ACVR1: variants seen among roughly 807,000 people sequenced by gnomAD.
The protein encoded by ACVR1 is activin A receptor type 1.
In ACVR1, 38 loss-of-function variants were observed where a neutral mutation model predicts 57.1. The observed-to-expected ratio is 0.67, with a 90% CI of 0.51 to 0.87. The LOEUF is 0.87. Ranked by LOEUF, ACVR1 falls within the 40% of genes least tolerant of loss-of-function variation. ACVR1 has a pLI of 0.00. For synonymous variants in ACVR1, 212 were observed against 228.1 expected (o/e 0.93, Z 0.63); for missense variants, 463 against 638.2 (o/e 0.73, Z 2.96).
At chr2:157,763,258 G>A (rs1685733713) in intron 8 of ACVR1, among the ~76,000 whole-genome samples, 1 of 152,206 alleles carries the variant, frequency 6.6e-6, no homozygotes, top group Non-Finnish European at 1.5e-5. Flanking sequence ...GAAGTATTGA[G>A]GGGTAAAGTG....
intron 2 of ACVR1, among the ~76,000 whole-genome samples, chr2:157,805,820 C>CTTTTTT (rs1222482675): frequency 8.0e-4 from 24 of 30,178 alleles, no homozygotes; most frequent in Non-Finnish European, 1.2e-3. Context: ...TTTCTTTTTT[C>CTTTTTT]TTTTTTTTTT....
In ACVR1 at chr2:157,780,569, G is replaced by A. The variant is rs201453468; in HGVS notation, c.99C>T (p.Tyr33=). The A allele has an allele frequency of 1.4e-4, 220 of 1,613,626 alleles. 4 individuals are homozygous for A. In the South Asian group the frequency reaches 2.2e-3, roughly 16 times the overall value. ...AGGAGAGACCTTCACACACACACAT[G>A]TAGAGTTTGGGGTTGACCTTGGGCT... ...DEKPKVNPKL[Y]MCVCEGLSCG... The change falls in exon 4 of 11, where the codon TAC becomes TAT. Residue 33 remains tyrosine (Y), a synonymous_variant. Transcript: ENST00000434821.
At position 157,787,732 on chromosome 2, in the gene ACVR1, G is replaced by A. The variant is rs1686765483; in HGVS notation, c.68-7132C>T. ...TCCTCGGGCTAACCAGAGAGTGTAT[G>A]GCATTTCAGTAAGGGTTTCCTACCT... On this transcript the variant is annotated intron_variant, in intron 3 of 10. Coordinates refer to ENST00000434821, the MANE Select transcript of ACVR1 (RefSeq NM_001111067.4). 2.0e-5 allele frequency among the ~76,000 whole-genome samples: 3 copies of A among 152,088 alleles called. No homozygotes were observed. The South Asian group carries it at 6.2e-4, about 32-fold the overall frequency.
chr2:157,778,162 A>G lies in ACVR1; in HGVS notation c.512T>C (p.Ile171Thr), dbSNP rs1315491312. ...DVEYGTIEGL[I>T]TTNVGDSTLA... ...AGTGCTGTCTCCAACATTGGTGGTG[A>G]TGAGCCCTTCGATAGTGCCATACTC... Residue 171 changes from isoleucine to threonine, a missense_variant, in exon 5 of 11, where the codon ATC becomes ACC. Around this residue, in one of 3 missense-constraint regions of ACVR1, gnomAD observed 203 missense variants for 235.5 expected, o/e 0.86. Transcript: ENST00000434821. 2.5e-6 allele frequency: 4 copies of G among 1,613,538 alleles called. No individual in the cohort carries two copies. Among genetic ancestry groups the G allele is most frequent in the Admixed American group, 1.7e-5 (1 of 59,948 alleles).
chr2:157,847,897 T>G (rs1037801543), intron 1 of ACVR1, among the ~76,000 whole-genome samples: 3 of 152,080 alleles, frequency 2.0e-5, no homozygotes, highest in African/African-American at 7.2e-5. Context: ...GTCTGGTGAA[T>G]AGTAGGATGT....
At chr2:157,852,656 T>C (rs571797900) in intron 1 of ACVR1, among the ~76,000 whole-genome samples, 116 of 152,330 alleles carry the variant, frequency 7.6e-4, no homozygotes, top group Non-Finnish European at 1.2e-3. Context: ...TAAATAGTTA[T>C]TCAAACATAC....
intron 5 of ACVR1, among the ~76,000 whole-genome samples, chr2:157,775,597 T>C (rs1476155780): frequency 6.6e-6 from 1 of 152,200 alleles, no homozygotes; most frequent in Non-Finnish European, 1.5e-5. Context: ...GGAAGAAATT[T>C]AGAACCCTTA....
intron 1 of ACVR1, among the ~76,000 whole-genome samples, chr2:157,854,080 GA>G (rs1689419233): frequency 6.6e-6 from 1 of 151,534 alleles, no homozygotes; most frequent in South Asian, 2.1e-4. Context: ...TTGAAGCCAG[GA>G]ATAGCACCTT....
intron 9 of ACVR1, among the ~76,000 whole-genome samples, chr2:157,756,830 A>G (rs1490539297): frequency 6.6e-6 from 1 of 151,638 alleles, no homozygotes; most frequent in Admixed American, 6.6e-5. Context: ...AAGTCACTAT[A>G]CGAAGAAGAT....
At chr2:157,815,538 C>T (rs933038850) in intron 2 of ACVR1, among the ~76,000 whole-genome samples, 1 of 152,180 alleles carries the variant, frequency 6.6e-6, no homozygotes, top group African/African-American at 2.4e-5. Context: ...ACAATTTTAA[C>T]CCTGTTTCAT....
intron 1 of ACVR1, among the ~76,000 whole-genome samples, chr2:157,868,891 A>G (rs1690027218): frequency 6.6e-6 from 1 of 152,242 alleles, no homozygotes; most frequent in African/African-American, 2.4e-5. Context: ...AAGATGAAGG[A>G]AGAGGAAAGC....
intron 1 of ACVR1, among the ~76,000 whole-genome samples, chr2:157,827,208 A>G (rs1217622280): frequency 6.6e-6 from 1 of 152,162 alleles, no homozygotes; most frequent in East Asian, 1.9e-4. Flanking sequence ...TAAACTGAAA[A>G]AAAGACAATC....
chr2:157,749,728 G>A (rs547936089), intron 9 of ACVR1, among the ~76,000 whole-genome samples: 1 of 152,314 alleles, frequency 6.6e-6, no homozygotes, highest in South Asian at 2.1e-4. Context: ...AAACAGGCCT[G>A]CCCCACTCAC....
chr2:157,831,064 T>C (rs1306310680), intron 1 of ACVR1, among the ~76,000 whole-genome samples: 4 of 152,146 alleles, frequency 2.6e-5, no homozygotes, highest in South Asian at 2.1e-4. Context: ...CCCAAAGCAC[T>C]AGGATTACAG....
intron 4 of ACVR1, 89 bp downstream of exon 4, chr2:157,780,248 C>G (rs1362988534): frequency 1.3e-6 from 2 of 1,578,544 alleles, no homozygotes; most frequent in Non-Finnish European, 1.7e-6. Context: ...GGTGGAATGC[C>G]TCATAGCTAC....
intron 1 of ACVR1, among the ~76,000 whole-genome samples, chr2:157,855,302 G>GTATATATATATA (rs1354388753): frequency 1.5e-5 from 1 of 65,374 alleles, no homozygotes; most frequent in African/African-American, 7.6e-5. Context: ...GTGTGTGTGT[G>GTATATATATATA]TGTGTGTATA....
intron 9 of ACVR1, among the ~76,000 whole-genome samples, chr2:157,747,371 C>T (rs149546015): frequency 5.9e-5 from 9 of 152,016 alleles, no homozygotes; most frequent in South Asian, 2.1e-4. Context: ...TTTCCCTGAA[C>T]GAAATCATCA....
At chr2:157,780,223 C>T in intron 4 of ACVR1, 114 bp downstream of exon 4, 1 of 1,481,858 alleles carries the variant, frequency 6.7e-7, no homozygotes, top group Non-Finnish European at 9.3e-7. Context: ...CTCTTCGCCT[C>T]TGATTCAAAA....
intron 9 of ACVR1, among the ~76,000 whole-genome samples, chr2:157,753,937 G>A (rs550604525): frequency 1.3e-5 from 2 of 152,224 alleles, no homozygotes; most frequent in East Asian, 3.9e-4. Context: ...AATAAAATTG[G>A]AAATCAACTC....
Sources: allele counts gnomAD v4.1 joint callset (sites outside exome capture counted in the v4.1 genomes callset), GRCh38; gene constraint gnomAD v4.1.1; regional missense constraint gnomAD v4.1.1; transcripts MANE v1.5; gene names NCBI Gene and HGNC (gene_info 2026-07-23, HGNC 2026-07-21).